Variants in CTNNA3 observed in about 807,000 individuals in gnomAD.
The protein encoded by CTNNA3 is catenin alpha 3.
In CTNNA3, 76 loss-of-function variants were observed where a neutral mutation model predicts 95.7. The ratio of observed to expected loss-of-function variants is 0.79; its 90% CI spans 0.66 to 0.96. CTNNA3 has a LOEUF of 0.96. CTNNA3 is among the 40% of genes least tolerant of loss of function. The pLI, the probability that CTNNA3 is intolerant of heterozygous loss-of-function variation, is 0.00. For missense variants in CTNNA3, 1,191 were observed against 1,089.8 expected, an observed-to-expected ratio of 1.09 and a Z score of -1.31; for synonymous variants, 431 against 374.4, an observed-to-expected ratio of 1.15 and a Z score of -1.74.
intron 15 of CTNNA3, among the ~76,000 whole-genome samples, chr10:66,066,423 AAG>A (rs1412130182): frequency 6.6e-6 from 1 of 152,128 alleles, no homozygotes; most frequent in Non-Finnish European, 1.5e-5. Context: ...TGTGTGGAGA[AAG>A]AGAGAGAAAC....
rs865967680 is a variant in CTNNA3, at chr10:67,741,352, A to G, written c.-2+22082T>C. On this transcript the variant is annotated intron_variant, in intron 1 of 17. Coordinates refer to the CTNNA3 transcript ENST00000684154. ...ATAAAAAATAAAAAAAGAACAAAAA[A>G]AAAAAAAGAAAAGAAAAGAATTTTC... 1.3e-4 allele frequency among the ~76,000 whole-genome samples: 19 copies of G among 149,774 alleles called. 1 individual carries two copies. Among genetic ancestry groups the G allele is most frequent in the African/African-American group, 1.2e-4 (5 of 41,126 alleles).
chr10:67,117,331 C>A (rs763712568), intron 7 of CTNNA3, among the ~76,000 whole-genome samples: 1 of 151,932 alleles, frequency 6.6e-6, no homozygotes, highest in Non-Finnish European at 1.5e-5. Context: ...TCTTCACTTG[C>A]GATAGCTTCG....
intron 7 of CTNNA3, among the ~76,000 whole-genome samples, chr10:66,889,964 T>C (rs2132490381): frequency 6.6e-6 from 1 of 152,222 alleles, no homozygotes; most frequent in Non-Finnish European, 1.5e-5. Flanking sequence ...CTAATTTTTG[T>C]ATTTTTAGTA....
intron 7 of CTNNA3, among the ~76,000 whole-genome samples, chr10:66,912,168 T>C (rs1322762258): frequency 6.6e-6 from 1 of 152,076 alleles, no homozygotes; most frequent in Non-Finnish European, 1.5e-5. Flanking sequence ...AAGTTTAAAT[T>C]TACTTGTAAA....
chr10:66,413,472 G>A (rs572412439), intron 11 of CTNNA3, among the ~76,000 whole-genome samples: 6 of 152,270 alleles, frequency 3.9e-5, no homozygotes. Flanking sequence ...AAATGTCTCT[G>A]AATATTTATA....
intron 13 of CTNNA3, among the ~76,000 whole-genome samples, chr10:66,246,125 C>A (rs902869277): frequency 6.6e-6 from 1 of 152,218 alleles, no homozygotes; most frequent in African/African-American, 2.4e-5. Flanking sequence ...CTCCTGCTGT[C>A]ATTCATGGTG....
At chr10:66,367,841 G>A (rs1442707505) in intron 12 of CTNNA3, among the ~76,000 whole-genome samples, 1 of 142,542 alleles carries the variant, frequency 7.0e-6, no homozygotes, top group African/African-American at 2.6e-5. Flanking sequence ...ATCTTTTTAA[G>A]GCTTCTTTTA....
intron 7 of CTNNA3, among the ~76,000 whole-genome samples, chr10:66,995,491 T>C (rs1271300515): frequency 6.6e-6 from 1 of 152,222 alleles, no homozygotes; most frequent in South Asian, 2.1e-4. Flanking sequence ...AAGTGATCTT[T>C]TTAAAACACG....
intron 5 of CTNNA3, among the ~76,000 whole-genome samples, chr10:67,232,721 G>A (rs2132304567): frequency 6.6e-6 from 1 of 151,940 alleles, no homozygotes; most frequent in East Asian, 1.9e-4. Flanking sequence ...CTGGCAAATT[G>A]GATAAAGAAT....
At chr10:66,954,836 A>G (rs1848707623) in intron 7 of CTNNA3, among the ~76,000 whole-genome samples, 1 of 152,134 alleles carries the variant, frequency 6.6e-6, no homozygotes, top group Non-Finnish European at 1.5e-5. Context: ...GCCTTGGGCT[A>G]CAAGTAGAGA....
At chr10:66,051,965 T>C (rs1000287024) in intron 15 of CTNNA3, among the ~76,000 whole-genome samples, 3 of 152,186 alleles carry the variant, frequency 2.0e-5, no homozygotes, top group Non-Finnish European at 2.9e-5. Flanking sequence ...CCCACAATAA[T>C]GAAATTGTGA....
intron 12 of CTNNA3, among the ~76,000 whole-genome samples, chr10:66,291,435 T>C (rs2091678900): frequency 6.6e-6 from 1 of 152,148 alleles, no homozygotes; most frequent in Admixed American, 6.6e-5. Flanking sequence ...TGGATACTGC[T>C]AGTCCAGGGA....
intron 11 of CTNNA3, among the ~76,000 whole-genome samples, chr10:66,476,576 T>C (rs899032205): frequency 3.3e-5 from 5 of 152,250 alleles, no homozygotes; most frequent in African/African-American, 7.2e-5. Flanking sequence ...TTTTGTTATG[T>C]ATTTATCTTA....
intron 14 of CTNNA3, among the ~76,000 whole-genome samples, chr10:66,072,196 A>C (rs1410009262): frequency 6.6e-6 from 1 of 152,186 alleles, no homozygotes; most frequent in Non-Finnish European, 1.5e-5. Context: ...TATTCTGATC[A>C]CATCTGATTA....
chr10:67,196,886 G>A (rs1863396113), intron 6 of CTNNA3, among the ~76,000 whole-genome samples: 1 of 151,906 alleles, frequency 6.6e-6, no homozygotes, highest in Non-Finnish European at 1.5e-5. Flanking sequence ...GAGTCCTTGT[G>A]TGATTATCTG....
intron 1 of CTNNA3, among the ~76,000 whole-genome samples, chr10:67,720,848 G>A (rs1303118101): frequency 6.6e-6 from 1 of 152,146 alleles, no homozygotes; most frequent in Non-Finnish European, 1.5e-5. Context: ...CAGCTACACG[G>A]GAGGCTGAGG....
At chr10:67,712,841 A>G (rs1356402941) in intron 1 of CTNNA3, among the ~76,000 whole-genome samples, 1 of 152,212 alleles carries the variant, frequency 6.6e-6, no homozygotes, top group Non-Finnish European at 1.5e-5. Flanking sequence ...CTAGAAAAAA[A>G]CCTAGGCAAT....
chr10:66,221,701 GATGA>G (rs748963874), intron 13 of CTNNA3, among the ~76,000 whole-genome samples: 3 of 152,178 alleles, frequency 2.0e-5, no homozygotes, highest in South Asian at 2.1e-4. Context: ...CAAAATGCTA[GATGA>G]ATGAATGAAT....
intron 7 of CTNNA3, among the ~76,000 whole-genome samples, chr10:66,944,335 A>G (rs1035462430): frequency 3.3e-5 from 5 of 152,142 alleles, no homozygotes; most frequent in Non-Finnish European, 5.9e-5. Flanking sequence ...TCATCCATTC[A>G]AGTTTGATCA....
Sources: gnomAD v4.1 joint callset for allele counts (sites outside exome capture counted in the v4.1 genomes callset) on GRCh38, gnomAD v4.1.1 for gene constraint, MANE v1.5 for transcripts, NCBI Gene and HGNC (gene_info 2026-07-23, HGNC 2026-07-21) for gene names.